The following GATAD2B variants were observed in gnomAD, a reference collection of about 807,000 sequenced individuals.
The protein encoded by GATAD2B is GATA zinc finger domain containing 2B, also known as transcriptional repressor p66-beta.
GATAD2B carries 8 observed loss-of-function variants against 64.3 expected under a neutral mutation model. The ratio of observed to expected loss-of-function variants is 0.12; its 90% CI spans 0.07 to 0.22. GATAD2B has a LOEUF of 0.22. GATAD2B is among the 10% of genes least tolerant of loss of function. The pLI is 1.00. For missense variants in GATAD2B, 453 were observed against 752.0 expected (o/e 0.60, Z 4.65); for synonymous variants, 281 against 271.3 (o/e 1.04, Z -0.35).
rs368455742 is a variant in GATAD2B at position 153,908,998 on chromosome 1, C to T, written c.-2+13735G>A. 9.9e-4 allele frequency among the ~76,000 whole-genome samples: 151 copies of T among 151,788 alleles called. 4 individuals carry two copies. In the South Asian group the frequency reaches 0.03, roughly 30 times the overall value. ...GGAGGACTGCTTGAGCCCAAGAGTT[C>T]GAGACCTGCCTGGACAACACAGCGA... On this transcript the variant is annotated intron_variant, in intron 1 of 10. Coordinates refer to ENST00000368655, the MANE Select transcript of GATAD2B (RefSeq NM_020699.4).
At chr1:153,810,356 A>G in intron 10 of GATAD2B, 46 bp from the exon 11 acceptor site, 1 of 1,596,976 alleles carries the variant, frequency 6.3e-7, no homozygotes, top group Non-Finnish European at 8.6e-7. Context: ...AAAAGAGGAA[A>G]TAACATTCCC....
intron 5 of GATAD2B, 132 bp downstream of exon 5, chr1:153,817,908 C>T: frequency 1.3e-6 from 1 of 743,878 alleles, no homozygotes; most frequent in Non-Finnish European, 2.2e-6. Flanking sequence ...CCATAATGGG[C>T]CAACAGAACA....
intron 1 of GATAD2B, among the ~76,000 whole-genome samples, chr1:153,860,069 C>A (rs1489972343): frequency 2.0e-5 from 3 of 151,886 alleles, no homozygotes; most frequent in African/African-American, 7.2e-5. Context: ...GTGTGGCCAC[C>A]ACGCCCAGCT....
intron 1 of GATAD2B, among the ~76,000 whole-genome samples, chr1:153,877,904 AAG>A: frequency 6.6e-6 from 1 of 151,466 alleles, no homozygotes; most frequent in East Asian, 1.9e-4. Flanking sequence ...AAAAAAAAAA[AAG>A]GGTAATTATT....
At chr1:153,835,997 A>C (rs1675248680) in intron 1 of GATAD2B, among the ~76,000 whole-genome samples, 1 of 152,216 alleles carries the variant, frequency 6.6e-6, no homozygotes, top group Non-Finnish European at 1.5e-5. Flanking sequence ...TGCTTGGATT[A>C]CAGGCGTGAG....
intron 1 of GATAD2B, among the ~76,000 whole-genome samples, chr1:153,922,226 ACACAAGACTGAG>A (rs1678466393): frequency 6.6e-6 from 1 of 151,422 alleles, no homozygotes; most frequent in African/African-American, 2.4e-5. Context: ...CCGCCCGCAA[ACACAAGACTGAG>A]CAGGGAGCGG....
At chr1:153,854,397 C>T (rs997984372) in intron 1 of GATAD2B, among the ~76,000 whole-genome samples, 7 of 151,862 alleles carry the variant, frequency 4.6e-5, no homozygotes, top group South Asian at 2.1e-4. Flanking sequence ...AGCAAGACTC[C>T]GTCTCAAAAA....
At chr1:153,821,021 A>C (rs1570932001) in intron 2 of GATAD2B, among the ~76,000 whole-genome samples, 1 of 105,622 alleles carries the variant, frequency 9.5e-6, no homozygotes, top group Non-Finnish European at 1.7e-5. Flanking sequence ...ACAGGGTCTC[A>C]CTCTATTGCC....
Position 153,897,364 on chromosome 1 carries a change from G to A in GATAD2B, c.-2+25369C>T, listed in dbSNP as rs183405784. ...AACACCTGTTTTTTAAAAATAAGAA[G>A]AAAAGATGAAAAGTACTCAAATCAT... is the stretch of plus-strand genomic sequence containing the variant. On this transcript the variant is annotated intron_variant, in intron 1 of 10. Transcript: ENST00000368655. Among the ~76,000 whole-genome samples, 192 of 152,262 alleles carry A rather than the reference G, an allele frequency of 1.3e-3. 1 individual carries two copies. In the East Asian group the frequency reaches 0.026, roughly 21 times the overall value.
chr1:153,820,679 G>A (rs1243374025), intron 2 of GATAD2B, among the ~76,000 whole-genome samples: 3 of 151,970 alleles, frequency 2.0e-5, no homozygotes, highest in African/African-American at 7.3e-5. Flanking sequence ...ACCCAGGCTG[G>A]AGTCCAGTGG....
At chr1:153,920,689 T>C (rs1470041942) in intron 1 of GATAD2B, among the ~76,000 whole-genome samples, 1 of 151,918 alleles carries the variant, frequency 6.6e-6, no homozygotes, top group African/African-American at 2.4e-5. Flanking sequence ...TCATGGAGAG[T>C]GTTCTCAAGT....
At chr1:153,848,751 A>G (rs1482607329) in intron 1 of GATAD2B, among the ~76,000 whole-genome samples, 1 of 152,118 alleles carries the variant, frequency 6.6e-6, no homozygotes, top group Non-Finnish European at 1.5e-5. Context: ...CAGGAGTTCA[A>G]GAACAGCCTG....
At chr1:153,860,594 C>CA (rs1676246967) in intron 1 of GATAD2B, among the ~76,000 whole-genome samples, 1 of 151,906 alleles carries the variant, frequency 6.6e-6, no homozygotes, top group Admixed American at 6.6e-5. Context: ...CTTGGCCTCC[C>CA]AAAACATTAA....
At position 153,837,124 on chromosome 1, in the gene GATAD2B, G is replaced by A. The variant is rs527830804; in HGVS notation, c.-1-8776C>T. 1.4e-4 allele frequency among the ~76,000 whole-genome samples: 22 copies of A among 152,176 alleles called. No individual in the cohort carries two copies. The South Asian group carries it at 3.5e-3, about 24-fold the overall frequency. On this transcript the variant is annotated intron_variant, in intron 1 of 10. Transcript: ENST00000368655. ...TGGACGAACTTTGAAAACATTATGC[G>A]AGTAAAATAAACCAGACACAAAAGG...
intron 1 of GATAD2B, among the ~76,000 whole-genome samples, chr1:153,864,317 T>C (rs61608495): frequency 0.018 from 2,780 of 152,288 alleles, 88 homozygotes; most frequent in African/African-American, 0.064. Context: ...ATCGGAATGG[T>C]GAGAGCTAAG....
intron 1 of GATAD2B, among the ~76,000 whole-genome samples, chr1:153,920,146 G>A (rs1317759848): frequency 6.6e-6 from 1 of 152,168 alleles, no homozygotes; most frequent in African/African-American, 2.4e-5. Context: ...CTTGGTGGGT[G>A]GGGGAGGAAA....
intron 1 of GATAD2B, among the ~76,000 whole-genome samples, chr1:153,887,071 TACA>T (rs1223251815): frequency 6.6e-6 from 1 of 152,136 alleles, no homozygotes; most frequent in Non-Finnish European, 1.5e-5. Flanking sequence ...AAATTACTAT[TACA>T]ACAACAAATC....
intron 9 of GATAD2B, 85 bp downstream of exon 9, chr1:153,811,934 TATG>T: frequency 8.0e-7 from 1 of 1,252,956 alleles, no homozygotes; most frequent in Non-Finnish European, 1.2e-6. Flanking sequence ...AGAAGAAGAC[TATG>T]ATTTCCCACA....
intron 1 of GATAD2B, among the ~76,000 whole-genome samples, chr1:153,876,477 G>A (rs1676837980): frequency 1.3e-5 from 2 of 151,922 alleles, no homozygotes; most frequent in Admixed American, 1.3e-4. Flanking sequence ...ACAAACCTTT[G>A]GCTCACATTC....
Sources: gnomAD v4.1 joint callset for allele counts (sites outside exome capture counted in the v4.1 genomes callset) on GRCh38, gnomAD v4.1.1 for gene constraint, MANE v1.5 for transcripts, NCBI Gene and HGNC (gene_info 2026-07-23, HGNC 2026-07-21) for gene names.